Variants in MYO1E observed in about 807,000 individuals in gnomAD.
MYO1E encodes the protein myosin IE.
A neutral mutation model predicts 151.1 loss-of-function variants in MYO1E; 68 were observed. That is an observed-to-expected ratio of 0.45 (90% CI 0.37 to 0.55). MYO1E has a LOEUF of 0.55. MYO1E is among the 20% of genes least tolerant of loss of function. The probability of loss-of-function intolerance (pLI) is 0.00; values close to 1 mark genes in which losing one functional copy is unlikely to be tolerated. For missense variants in MYO1E, 1,363 were observed against 1,389.3 expected, an observed-to-expected ratio of 0.98 and a Z score of 0.30; for synonymous variants, 601 against 501.7, an observed-to-expected ratio of 1.20 and a Z score of -2.64.
rs541587542 is a variant in MYO1E at position 59,248,931 on chromosome 15, C to T, written c.332+7353G>A. Among the ~76,000 whole-genome samples, 21 of 152,336 alleles carry T rather than the reference C, an allele frequency of 1.4e-4. No individual in the cohort carries two copies. The South Asian group carries it at 3.9e-3, about 29-fold the overall frequency. Reference sequence around the variant, plus strand: ...TCCAGGGCACATAATCGGCTGTCCACAGGCAGAATTCTGCCTATGCAATAA... The same window carrying T: ...TCCAGGGCACATAATCGGCTGTCCATAGGCAGAATTCTGCCTATGCAATAA... On this transcript the variant is annotated intron_variant, in intron 4 of 27. Transcript: ENST00000288235.
At chr15:59,213,671 G>A (rs1195673228) in intron 12 of MYO1E, among the ~76,000 whole-genome samples, 3 of 151,536 alleles carry the variant, frequency 2.0e-5, no homozygotes, top group African/African-American at 7.3e-5. Flanking sequence ...TTGTCCCGCA[G>A]GCTGGTCTTG....
chr15:59,187,840 T>C (rs1245214966), intron 18 of MYO1E, among the ~76,000 whole-genome samples: 1 of 152,232 alleles, frequency 6.6e-6, no homozygotes, highest in African/African-American at 2.4e-5. Context: ...TATGATTCCA[T>C]TGCTATGAAA....
At chr15:59,340,335 C>T (rs12900651) in intron 1 of MYO1E, among the ~76,000 whole-genome samples, 4 of 151,812 alleles carry the variant, frequency 2.6e-5, no homozygotes, top group African/African-American at 7.3e-5. Context: ...TTTTAAACCC[C>T]GCCTGATCGT....
At chr15:59,316,612 TTTTTA>T (rs1327295632) in intron 1 of MYO1E, among the ~76,000 whole-genome samples, 6 of 152,256 alleles carry the variant, frequency 3.9e-5, no homozygotes, top group Non-Finnish European at 8.8e-5. Context: ...CATTATTTAT[TTTTTA>T]TTTTTCGGAA....
rs199980328 is a variant in MYO1E at position 59,312,848 on chromosome 15, ACT to A, written c.4-40401_4-40400del. ...ATCTGGCTAACACAATGAAACCCCG[ACT>A]CTACTAAAAATAATAATAATAATAA... On this transcript the variant is annotated intron_variant, in intron 1 of 27. Transcript: ENST00000288235. Among the ~76,000 whole-genome samples, 1,153 of 150,576 alleles carry A rather than the reference ACT, an allele frequency of 7.7e-3. 7 individuals are homozygous for A. The highest frequency in any genetic ancestry group is 0.027 in the African/African-American group (1,112 of 40,862).
At position 59,214,601 on chromosome 15, in the gene MYO1E, T is replaced by A. The variant is rs993851796; in HGVS notation, c.1188+39A>T. On this transcript the variant is annotated intron_variant, in intron 11 of 27. Transcript: ENST00000288235. ...TTTCTTGCAGGCCAGATGAAATACG[T>A]CACCCTCCTCAACCCCTAGTTATTA... 1.7e-5 allele frequency: 25 copies of A among 1,497,174 alleles called. No individual in the cohort carries two copies. In the East Asian group the frequency reaches 5.6e-4, roughly 34 times the overall value. 92.7% of individuals were successfully genotyped at this position (1,497,174 alleles called of 1,614,324 possible).
At position 59,248,756 on chromosome 15, in the gene MYO1E, C is replaced by T. The variant is rs79810886; in HGVS notation, c.332+7528G>A. Among the ~76,000 whole-genome samples, 800 of 152,238 alleles carry T rather than the reference C, an allele frequency of 5.3e-3. 1 individual carries two copies. Among genetic ancestry groups the T allele is most frequent in the Middle Eastern group, 0.014 (4 of 294 alleles). ...CCAAGTAAAAAGACTGTTCTGCAGA[C>T]TAGAGCAACACCCTTAGTTCATGTG... On this transcript the variant is annotated intron_variant, in intron 4 of 27. Transcript: ENST00000288235.
rs375090177 is a variant in MYO1E, at chr15:59,232,556, T to C, written c.421-765A>G. On this transcript the variant is annotated intron_variant, in intron 5 of 27. Transcript: ENST00000288235. ...ACACCATAGACATGAGACAGCTCAA[T>C]AGATAGAATTTGATGTTGGAGAAGT... Among the ~76,000 whole-genome samples the C allele has an allele frequency of 5.3e-5, 8 of 152,240 alleles. No individual in the cohort carries two copies. In the East Asian group the frequency reaches 1.3e-3, roughly 26 times the overall value.
intron 26 of MYO1E, among the ~76,000 whole-genome samples, chr15:59,151,445 C>G (rs1004860817): frequency 1.3e-5 from 2 of 151,858 alleles, no homozygotes; most frequent in Non-Finnish European, 2.9e-5. Context: ...ACAAAAAACC[C>G]CCCCCAAAAA....
At chr15:59,173,310 C>T (rs963821146) in intron 21 of MYO1E, among the ~76,000 whole-genome samples, 8 of 152,178 alleles carry the variant, frequency 5.3e-5, no homozygotes, top group Non-Finnish European at 8.8e-5. Context: ...AAAAGAAAAA[C>T]TCACTAAAAA....
chr15:59,212,180 C>G (rs905479625), intron 12 of MYO1E, among the ~76,000 whole-genome samples: 2 of 151,956 alleles, frequency 1.3e-5, no homozygotes, highest in South Asian at 4.2e-4. Flanking sequence ...TTGGGGAAGG[C>G]TAGAGGTTCA....
chr15:59,285,350 C>CCT (rs1255001936), intron 1 of MYO1E, among the ~76,000 whole-genome samples: 1 of 74,054 alleles, frequency 1.4e-5, no homozygotes, highest in Non-Finnish European at 2.4e-5. Flanking sequence ...GACACTGTCT[C>CCT]TTTTTTTTTT....
At chr15:59,290,425 G>T (rs1285085839) in intron 1 of MYO1E, among the ~76,000 whole-genome samples, 1 of 152,190 alleles carries the variant, frequency 6.6e-6, no homozygotes, top group East Asian at 1.9e-4. Flanking sequence ...CTCTTAGAAA[G>T]ATCACGGGCA....
At chr15:59,303,387 C>G (rs1160269581) in intron 1 of MYO1E, among the ~76,000 whole-genome samples, 1 of 151,930 alleles carries the variant, frequency 6.6e-6, no homozygotes, top group Non-Finnish European at 1.5e-5. Flanking sequence ...GTCCTTCAGC[C>G]TGGGCAACAC....
intron 1 of MYO1E, among the ~76,000 whole-genome samples, chr15:59,282,393 T>C (rs993811003): frequency 1.3e-5 from 2 of 152,158 alleles, no homozygotes; most frequent in African/African-American, 4.8e-5. Flanking sequence ...TCAGGGCTTG[T>C]CTTGAGGCTG....
At chr15:59,321,726 C>A (rs1359992415) in intron 1 of MYO1E, among the ~76,000 whole-genome samples, 1 of 152,048 alleles carries the variant, frequency 6.6e-6, no homozygotes, top group East Asian at 1.9e-4. Context: ...ACTAGTTATA[C>A]CCCATATCTA....
At chr15:59,365,683 C>T (rs1039519813) in intron 1 of MYO1E, among the ~76,000 whole-genome samples, 3 of 152,152 alleles carry the variant, frequency 2.0e-5, no homozygotes, top group African/African-American at 4.8e-5. Context: ...TATAATGTAA[C>T]GTATGACCAT....
chr15:59,353,394 GAAAAA>G (rs1555422224), intron 1 of MYO1E, among the ~76,000 whole-genome samples: 4 of 96,800 alleles, frequency 4.1e-5, no homozygotes, highest in Admixed American at 1.1e-4. Flanking sequence ...GAAAAGAAAA[GAAAAA>G]AAAGAAAAAA....
intron 26 of MYO1E, among the ~76,000 whole-genome samples, chr15:59,140,805 C>G (rs1337075913): frequency 6.6e-6 from 1 of 152,166 alleles, no homozygotes. Flanking sequence ...CTGGGCGCCC[C>G]TGAGACTCGG....
Sources: allele counts gnomAD v4.1 joint callset (sites outside exome capture counted in the v4.1 genomes callset), GRCh38; gene constraint gnomAD v4.1.1; transcripts MANE v1.5; gene names NCBI Gene and HGNC (gene_info 2026-07-23, HGNC 2026-07-21).